Variants in VRK3 observed in about 807,000 individuals in gnomAD.
The protein encoded by VRK3 is serine/threonine-protein kinase VRK3.
Under a neutral mutation model 60.4 loss-of-function variants are expected in VRK3, and 50 were observed. The ratio of observed to expected loss-of-function variants is 0.83; its 90% CI spans 0.66 to 1.05. The LOEUF is 1.05. Ranked by LOEUF, VRK3 falls within the 50% of genes least tolerant of loss-of-function variation. VRK3 has a pLI of 0.00. For missense variants in VRK3, 549 were observed against 585.3 expected (o/e 0.94, Z 0.64); for synonymous variants, 246 against 227.8 (o/e 1.08, Z -0.72).
rs376785170 is a variant in VRK3, at chr19:50,017,001, C to T, written c.-1-838G>A. Among the ~76,000 whole-genome samples, 9 of 151,948 alleles carry T rather than the reference C, an allele frequency of 5.9e-5. No individual in the cohort carries two copies. The South Asian group carries it at 1.9e-3, about 32-fold the overall frequency. The stretch of plus-strand genomic sequence containing the variant: ...GGTTAGGAGTTTGAGACCAGTCTGT[C>T]CAACATGGTGAAACCCTGTCTATAC... On this transcript the variant is annotated intron_variant, in intron 2 of 14. Transcript: ENST00000316763.
chr19:49,980,631 T>C (rs906113931), intron 13 of VRK3, among the ~76,000 whole-genome samples: 1 of 151,824 alleles, frequency 6.6e-6, no homozygotes, highest in African/African-American at 2.4e-5. Context: ...GCACGAGAAT[T>C]GCTTGAACCT....
intron 7 of VRK3, among the ~76,000 whole-genome samples, chr19:49,996,705 C>T (rs1372022350): frequency 6.6e-6 from 1 of 152,170 alleles, no homozygotes; most frequent in Non-Finnish European, 1.5e-5. Flanking sequence ...CAACCTCCAC[C>T]TTCCAGGTTC....
At chr19:50,009,214 C>A (rs912864307) in intron 4 of VRK3, 22 bp downstream of exon 4, 1 of 1,609,648 alleles carries the variant, frequency 6.2e-7, no homozygotes, top group African/African-American at 1.3e-5. Context: ...AAGAGTCAGG[C>A]CAGATAGACC....
chr19:49,986,673 A>G (rs1163643917), intron 12 of VRK3: 1 of 152,242 alleles, frequency 6.6e-6, no homozygotes, highest in Non-Finnish European at 1.5e-5. Context: ...AAGGACTGGG[A>G]AGGACTTCAC....
chr19:50,000,637 C>T (rs11882155), intron 6 of VRK3, 153 bp downstream of exon 6: 24 of 829,532 alleles, frequency 2.9e-5, no homozygotes, highest in Middle Eastern at 3.5e-4. Context: ...GAGAACTGGG[C>T]GCCTGCCCCG....
chr19:49,989,505 G>T, intron 11 of VRK3, 134 bp downstream of exon 11: 1 of 1,263,718 alleles, frequency 7.9e-7, no homozygotes, highest in Non-Finnish European at 1.1e-6. Context: ...GCTGTCTGTG[G>T]TTCCAATCCC....
intron 12 of VRK3, among the ~76,000 whole-genome samples, chr19:49,985,764 G>A (rs1412801999): frequency 6.6e-6 from 1 of 152,196 alleles, no homozygotes; most frequent in African/African-American, 2.4e-5. Context: ...CACATGGCAA[G>A]GGTTCAGTAT....
At chr19:49,982,053 T>G (rs1454602619) in intron 12 of VRK3, 1 of 688,934 alleles carries the variant, frequency 1.5e-6, no homozygotes, top group Non-Finnish European at 2.7e-6. Flanking sequence ...CGGAGGCGGC[T>G]GCATAACGGA....
rs138595267 is a variant in VRK3, at chr19:49,981,748, G to A, written c.1218-735C>T. The A allele has an allele frequency of 4.2e-5, 43 of 1,018,540 alleles. No homozygotes were observed. The East Asian group carries it at 8.4e-4, about 20-fold the overall frequency. The allele number at this position is 1,018,540 out of a possible 1,614,324, so 63.1% of individuals were successfully genotyped here. A position where few individuals can be genotyped will look rare whatever the true frequency, so the allele number is the denominator to read the frequency against. ...TACTTACAGGTCCTGGGGGCACACC[G>A]CACACCCAAAGGTGACCTCCCCACC... On this transcript the variant is annotated intron_variant, in intron 12 of 14. Coordinates refer to ENST00000316763, the MANE Select transcript of VRK3 (RefSeq NM_016440.4).
At chr19:49,994,723 G>T in intron 9 of VRK3, 91 bp downstream of exon 9, 1 of 1,160,052 alleles carries the variant, frequency 8.6e-7, no homozygotes, top group Non-Finnish European at 1.2e-6. Flanking sequence ...GGGGGGTGGG[G>T]GCCGGAAGTG....
intron 12 of VRK3, among the ~76,000 whole-genome samples, chr19:49,984,424 C>T (rs1006777694): frequency 2.6e-5 from 4 of 152,190 alleles, no homozygotes; most frequent in African/African-American, 7.2e-5. Flanking sequence ...TTCCAGGAGC[C>T]GGTGGCGGGG....
chr19:49,996,172 G>T (rs967518340), intron 7 of VRK3, among the ~76,000 whole-genome samples: 1 of 151,466 alleles, frequency 6.6e-6, no homozygotes, highest in Non-Finnish European at 1.5e-5. Flanking sequence ...CGCCCGCCTC[G>T]GCCTCCCAAA....
chr19:50,023,933 C>T lies in VRK3; in HGVS notation c.-65+1334G>A, dbSNP rs150744087. ...ATAATCTGCCTGGGTTTGGATCTTG[C>T]TTCTGCCATGTATTGCATGATGGAC... On this transcript the variant is annotated intron_variant, in intron 1 of 14. Coordinates refer to ENST00000316763, the MANE Select transcript of VRK3 (RefSeq NM_016440.4). Among the ~76,000 whole-genome samples the T allele has an allele frequency of 9.2e-5, 14 of 152,292 alleles. No individual in the cohort carries two copies. The East Asian group carries it at 2.7e-3, about 29-fold the overall frequency.
intron 9 of VRK3, among the ~76,000 whole-genome samples, chr19:49,994,050 G>A (rs979897272): frequency 1.3e-5 from 2 of 152,062 alleles, no homozygotes; most frequent in African/African-American, 2.4e-5. Flanking sequence ...TGTGGTCACC[G>A]CTGACCTCTC....
At chr19:49,995,564 T>C (rs1305224994) in intron 7 of VRK3, among the ~76,000 whole-genome samples, 1 of 152,168 alleles carries the variant, frequency 6.6e-6, no homozygotes, top group Non-Finnish European at 1.5e-5. Flanking sequence ...ACAGGGTTAC[T>C]TCCGAATTCA....
At chr19:49,995,005 T>A in intron 8 of VRK3, 86 bp from the exon 9 acceptor site, 1 of 1,360,212 alleles carries the variant, frequency 7.4e-7, no homozygotes, top group Non-Finnish European at 1.0e-6. Context: ...TTGCGTGGGC[T>A]GCAAGGTCCT....
At chr19:50,017,678 T>A (rs2077100624) in intron 2 of VRK3, among the ~76,000 whole-genome samples, 1 of 152,068 alleles carries the variant, frequency 6.6e-6, no homozygotes, top group South Asian at 2.1e-4. Flanking sequence ...TATTCATTTT[T>A]AAATTTTTTT....
chr19:50,010,937 A>AAAAAAC (rs879752401), intron 3 of VRK3, among the ~76,000 whole-genome samples: 80 of 146,044 alleles, frequency 5.5e-4, no homozygotes, highest in Non-Finnish European at 9.4e-4. Flanking sequence ...AACAAAAAAC[A>AAAAAAC]AAAAACAAAA....
rs976018095 is a variant in VRK3, at chr19:49,993,710, T to C, written c.871-758A>G. Among the ~76,000 whole-genome samples, 5 of 152,268 alleles carry C rather than the reference T, an allele frequency of 3.3e-5. No individual in the cohort carries two copies. In the South Asian group the frequency reaches 6.2e-4, roughly 19 times the overall value. ...CTGCTGCGCCCGGCCAATTCTTTGA[T>C]TGTGTCTGCTGCCTGAGTGTCAGCT... On this transcript the variant is annotated intron_variant, in intron 9 of 14. Transcript: ENST00000316763.
Sources: allele counts gnomAD v4.1 joint callset (sites outside exome capture counted in the v4.1 genomes callset), GRCh38; gene constraint gnomAD v4.1.1; transcripts MANE v1.5; gene names NCBI Gene and HGNC (gene_info 2026-07-23, HGNC 2026-07-21).